Variants in FOXP2 observed in about 807,000 individuals in gnomAD.
The protein encoded by FOXP2 is forkhead box protein P2.
In FOXP2, 12 loss-of-function variants were observed where a neutral mutation model predicts 115.8. That is an observed-to-expected ratio of 0.10 (90% CI 0.07 to 0.17). The LOEUF is 0.17. Among genes scored for constraint, FOXP2 ranks in the 10% least tolerant of loss-of-function variants. FOXP2 has a pLI of 1.00. For synonymous variants in FOXP2, 328 were observed against 297.7 expected, an observed-to-expected ratio of 1.10 and a Z score of -1.05; for missense variants, 629 against 843.5, an observed-to-expected ratio of 0.75 and a Z score of 3.15.
intron 1 of FOXP2, among the ~76,000 whole-genome samples, chr7:114,181,898 C>T (rs574418192): frequency 6.6e-6 from 1 of 151,946 alleles, no homozygotes; most frequent in Non-Finnish European, 1.5e-5. Context: ...GTTAACCTTG[C>T]TTTGTAATAT....
chr7:114,432,890 T>G (rs1391281606), intron 2 of FOXP2, among the ~76,000 whole-genome samples: 1 of 151,978 alleles, frequency 6.6e-6, no homozygotes, highest in African/African-American at 2.4e-5. Flanking sequence ...TGTTCTATTA[T>G]CATCCACAGT....
intron 1 of FOXP2, among the ~76,000 whole-genome samples, chr7:114,240,631 ATTAC>A (rs1408382328): frequency 6.6e-6 from 1 of 151,980 alleles, no homozygotes; most frequent in Non-Finnish European, 1.5e-5. Context: ...AGAGAAGAAA[ATTAC>A]TTAATGGTAG....
chr7:114,500,766 C>A (rs1797533842), intron 2 of FOXP2, among the ~76,000 whole-genome samples: 1 of 152,046 alleles, frequency 6.6e-6, no homozygotes, highest in Non-Finnish European at 1.5e-5. Flanking sequence ...TAGAGAAAGA[C>A]AAACAAACAA....
At chr7:114,596,218 G>T (rs896143729) in intron 3 of FOXP2, among the ~76,000 whole-genome samples, 3 of 152,010 alleles carry the variant, frequency 2.0e-5, no homozygotes, top group African/African-American at 7.2e-5. Context: ...CTTATGAATA[G>T]CTCCATTTCC....
chr7:114,213,577 T>C (rs1428776452), intron 1 of FOXP2, among the ~76,000 whole-genome samples: 1 of 152,204 alleles, frequency 6.6e-6, no homozygotes, highest in African/African-American at 2.4e-5. Flanking sequence ...TCATATCTTA[T>C]ATATCTTTAA....
intron 2 of FOXP2, among the ~76,000 whole-genome samples, chr7:114,508,677 G>T (rs1797935756): frequency 6.6e-6 from 1 of 152,008 alleles, no homozygotes; most frequent in Non-Finnish European, 1.5e-5. Flanking sequence ...TTTTAGCAGA[G>T]AATGATATAA....
At chr7:114,183,635 T>C (rs1446976776) in intron 1 of FOXP2, among the ~76,000 whole-genome samples, 2 of 152,184 alleles carry the variant, frequency 1.3e-5, no homozygotes, top group Admixed American at 6.6e-5. Context: ...CTATAAATTG[T>C]AGAACAGTTA....
At chr7:114,623,095 G>A (rs1563040996) in intron 3 of FOXP2, among the ~76,000 whole-genome samples, 1 of 151,766 alleles carries the variant, frequency 6.6e-6, no homozygotes. Context: ...ATAAAACCAG[G>A]CACTTCAGTT....
At chr7:114,557,199 G>C (rs1178375567) in intron 3 of FOXP2, among the ~76,000 whole-genome samples, 1 of 152,152 alleles carries the variant, frequency 6.6e-6, no homozygotes, top group Non-Finnish European at 1.5e-5. Flanking sequence ...TCAGTGTCTT[G>C]ATTTGAAATA....
chr7:114,693,044 A>G lies in FOXP2; in HGVS notation c.*3118A>G. 2.2e-6 allele frequency: 1 copy of G among 453,892 alleles called. No homozygotes were observed. The highest frequency in any genetic ancestry group is 4.4e-6 in the Non-Finnish European group (1 of 226,654). The allele number at this position is 453,892 out of a possible 1,614,324, so 28.1% of individuals were successfully genotyped here. ...TAACACCAGGGAGTTATCAGATTTT[A>G]TTTTACATAGTTTTAGTCTACAAAG... On this transcript the variant is annotated 3_prime_UTR_variant, in exon 17 of 17. Transcript: ENST00000350908.
chr7:114,414,509 G>A (rs1793251749), upstream of FOXP2: 1 of 152,996 alleles, frequency 6.5e-6, no homozygotes, highest in African/African-American at 2.4e-5. Flanking sequence ...GAATATGCTG[G>A]CAGAGAAGCT....
At chr7:114,414,092 C>T (rs1439503828), upstream of FOXP2, among the ~76,000 whole-genome samples, 1 of 152,060 alleles carries the variant, frequency 6.6e-6, no homozygotes, top group Non-Finnish European at 1.5e-5. Flanking sequence ...CTTTGATTTA[C>T]CAGCTTCAGT....
At chr7:114,689,007 T>C (rs1363049091) in intron 16 of FOXP2, among the ~76,000 whole-genome samples, 1 of 152,140 alleles carries the variant, frequency 6.6e-6, no homozygotes, top group East Asian at 1.9e-4. Context: ...ATATAATATT[T>C]TTCCACCAGG....
chr7:114,375,095 G>T (rs1305956684), intron 2 of FOXP2, among the ~76,000 whole-genome samples: 1 of 150,600 alleles, frequency 6.6e-6, no homozygotes, highest in African/African-American at 2.4e-5. Context: ...TACGATTTTT[G>T]TAAAAAAAAA....
intron 8 of FOXP2, 80 bp downstream of exon 8, chr7:114,644,869 G>A: frequency 9.1e-7 from 1 of 1,093,766 alleles, no homozygotes; most frequent in Non-Finnish European, 1.4e-6. Context: ...ATAAACAAAA[G>A]ATGAAGGAGG....
intron 1 of FOXP2, among the ~76,000 whole-genome samples, chr7:114,201,521 T>A (rs1311315590): frequency 6.6e-6 from 1 of 152,200 alleles, no homozygotes; most frequent in Non-Finnish European, 1.5e-5. Context: ...ATTTACAAAA[T>A]CACAGAAACT....
intron 1 of FOXP2, among the ~76,000 whole-genome samples, chr7:114,225,207 A>G (rs1794716981): frequency 6.6e-6 from 1 of 151,928 alleles, no homozygotes. Flanking sequence ...TTACTTTAAC[A>G]ATTTTATAGC....
At chr7:114,523,688 A>T (rs781171641) in intron 2 of FOXP2, among the ~76,000 whole-genome samples, 3 of 151,980 alleles carry the variant, frequency 2.0e-5, no homozygotes, top group African/African-American at 7.2e-5. Context: ...CTTTTCTTCG[A>T]CTGTCTTTTT....
chr7:114,542,764 T>C (rs1799733185), intron 3 of FOXP2, among the ~76,000 whole-genome samples: 1 of 151,368 alleles, frequency 6.6e-6, no homozygotes, highest in African/African-American at 2.4e-5. Flanking sequence ...AAATGTGGAA[T>C]AAATTTTTTT....
Sources: gnomAD v4.1 joint callset for allele counts (sites outside exome capture counted in the v4.1 genomes callset) on GRCh38, gnomAD v4.1.1 for gene constraint, MANE v1.5 for transcripts, NCBI Gene and HGNC (gene_info 2026-07-23, HGNC 2026-07-21) for gene names.